Variants in TTC34 observed in about 807,000 individuals in gnomAD.
TTC34 encodes the protein tetratricopeptide repeat domain 34, also known as tetratricopeptide repeat protein 34.
Under a neutral mutation model 40.7 loss-of-function variants are expected in TTC34, and 44 were observed. The observed-to-expected ratio is 1.08, with a 90% CI of 0.85 to 1.39. TTC34 has a LOEUF of 1.39. TTC34 is among the 40% of genes most tolerant of loss of function. TTC34 has a pLI of 0.00. For missense variants in TTC34, 884 were observed against 838.0 expected (o/e 1.05, Z -0.68); for synonymous variants, 422 against 398.6 (o/e 1.06, Z -0.70).
chr1:2,750,898 C>A (rs1285704276), intron 6 of TTC34, among the ~76,000 whole-genome samples: 1 of 112,280 alleles, frequency 8.9e-6, no homozygotes, highest in South Asian at 3.3e-4. Flanking sequence ...CCCAGGCGAG[C>A]ATCTGAACGC....
chr1:2,639,807 G>A (rs904825442), exon 9 of TTC34: 1 of 152,392 alleles, frequency 6.6e-6, no homozygotes, highest in East Asian at 1.9e-4. Flanking sequence ...CTCAAGGTGG[G>A]AGGCACTGAC....
intron 6 of TTC34, among the ~76,000 whole-genome samples, chr1:2,686,305 G>A (rs202120060): frequency 1.2e-3 from 132 of 107,608 alleles, no homozygotes; most frequent in African/African-American, 3.3e-3. Context: ...CTGAACGCAC[G>A]GAGCAGCACC....
rs1643648873 is a variant in TTC34 at position 2,790,285 on chromosome 1, C to T, written c.846G>A (p.Arg282=). 9 of 398,502 alleles carry T rather than the reference C, an allele frequency of 2.3e-5. 1 individual carries two copies. The South Asian group carries it at 1.0e-3, about 45-fold the overall frequency. The allele number at this position is 398,502 out of a possible 1,614,324, so 24.7% of individuals were successfully genotyped here. A position where few individuals can be genotyped will look rare whatever the true frequency, so the allele number is the denominator to read the frequency against. The stretch of plus-strand genomic sequence containing the variant: ...GCAGGTTCCAAAACACGTCCTGGGC[C>T]CGGCCGTCCAGGAAGAAGGCCGAGG... Residue 282 remains arginine, a synonymous_variant, in exon 3 of 9, where the codon CGG becomes CGA. Coordinates refer to ENST00000401095, the Ensembl canonical transcript of TTC34.
chr1:2,687,649 C>A (rs1640426236), intron 6 of TTC34, among the ~76,000 whole-genome samples: 2 of 152,092 alleles, frequency 1.3e-5, no homozygotes, highest in African/African-American at 4.8e-5. Context: ...ACCCACACCC[C>A]CAGGTGAGCA....
At position 2,796,357 on chromosome 1, in the gene TTC34, T is replaced by G. The variant is rs547048745; in HGVS notation, c.784+3687A>C. ...AAAAGTCTGTTATAGGAAAATTCAT[T>G]TCTTCTCTTCTCATCGTAAGCCATG... On this transcript the variant is annotated intron_variant, in intron 2 of 8. Coordinates refer to ENST00000401095, the Ensembl canonical transcript of TTC34. The surrounding 1 kb of genome is among the most constrained non-coding windows in gnomAD (Gnocchi z 4.5). Among the ~76,000 whole-genome samples, 42 of 152,330 alleles carry G rather than the reference T, an allele frequency of 2.8e-4. No homozygotes were observed. The highest frequency in any genetic ancestry group is 9.6e-4 in the African/African-American group (40 of 41,582).
At chr1:2,771,466 C>T (rs1193408348) in intron 6 of TTC34, among the ~76,000 whole-genome samples, 1 of 83,016 alleles carries the variant, frequency 1.2e-5, no homozygotes, top group African/African-American at 8.2e-5. Context: ...ATCTGACAGT[C>T]TGGAACAGCA....
chr1:2,750,194 G>A (rs1641269123), intron 6 of TTC34, among the ~76,000 whole-genome samples: 14 of 148,746 alleles, frequency 9.4e-5, no homozygotes, highest in South Asian at 6.5e-4. Context: ...GCCTGGGTCG[G>A]CACCCACACC....
At chr1:2,688,263 G>C (rs143151708) in intron 6 of TTC34, among the ~76,000 whole-genome samples, 81 of 40,422 alleles carry the variant, frequency 2.0e-3, no homozygotes, top group Middle Eastern at 0.015. Context: ...AGGGGAGCAT[G>C]TGACAGCCTG....
chr1:2,767,704 T>A (rs866131225), intron 6 of TTC34, among the ~76,000 whole-genome samples: 5 of 126,536 alleles, frequency 4.0e-5, no homozygotes, highest in African/African-American at 9.4e-5. Context: ...AGGATCTGAC[T>A]ACCTGGAACA....
chr1:2,649,069 G>A (rs570604226), intron 6 of TTC34, among the ~76,000 whole-genome samples: 3 of 150,850 alleles, frequency 2.0e-5, no homozygotes, highest in South Asian at 4.2e-4. Context: ...TTACAGCCTG[G>A]AACGGCACCT....
chr1:2,684,451 C>G (rs1369824443), intron 6 of TTC34, among the ~76,000 whole-genome samples: 4 of 141,866 alleles, frequency 2.8e-5, no homozygotes, highest in Admixed American at 7.1e-5. Context: ...AGGTGAGCAT[C>G]TGACGGCCTG....
At chr1:2,691,495 AC>A (rs1640615156) in intron 6 of TTC34, among the ~76,000 whole-genome samples, 1 of 100,512 alleles carries the variant, frequency 9.9e-6, no homozygotes, top group African/African-American at 3.6e-5. Flanking sequence ...CTGGAGCAGC[AC>A]CCAAAACCAC....
At chr1:2,683,908 CCACACCT>C (rs1640199207) in intron 6 of TTC34, among the ~76,000 whole-genome samples, 1 of 151,024 alleles carries the variant, frequency 6.6e-6, no homozygotes, top group Admixed American at 6.6e-5. Flanking sequence ...GGGTCGGCAC[CCACACCT>C]CCAGGTGAGC....
intron 6 of TTC34, among the ~76,000 whole-genome samples, chr1:2,686,682 C>A (rs936419372): frequency 7.1e-3 from 363 of 51,370 alleles, no homozygotes; most frequent in Admixed American, 0.013. Flanking sequence ...GCACCCTGCA[C>A]CCCCAGGTGC....
intron 6 of TTC34, among the ~76,000 whole-genome samples, chr1:2,686,370 C>T (rs201981726): frequency 6.4e-5 from 5 of 78,478 alleles, no homozygotes; most frequent in Non-Finnish European, 9.9e-5. Flanking sequence ...CCCCCAGGTG[C>T]GCATGTGATG....
chr1:2,780,137 C>A (rs937620845), intron 6 of TTC34, among the ~76,000 whole-genome samples: 2 of 152,026 alleles, frequency 1.3e-5, no homozygotes, highest in African/African-American at 4.8e-5. Flanking sequence ...GGGTTTTTGG[C>A]TTTGTTGTTG....
At chr1:2,683,658 G>T (rs201806377) in intron 6 of TTC34, among the ~76,000 whole-genome samples, 1 of 149,772 alleles carries the variant, frequency 6.7e-6, no homozygotes, top group African/African-American at 2.5e-5. Context: ...TGACAGCCTG[G>T]AGCAGCACGC....
chr1:2,638,418 G>C (rs997756637), exon 9 of TTC34: 1 of 152,222 alleles, frequency 6.6e-6, no homozygotes, highest in African/African-American at 2.4e-5. Flanking sequence ...TTACTTGGTT[G>C]AATGAAATCT....
At position 2,796,445 on chromosome 1, in the gene TTC34, C is replaced by T. The variant is rs1445249430; in HGVS notation, c.784+3599G>A. 6.6e-6 allele frequency among the ~76,000 whole-genome samples: 1 copy of T among 152,152 alleles called. No individual in the cohort carries two copies. Among genetic ancestry groups the T allele is most frequent in the Non-Finnish European group, 1.5e-5 (1 of 68,030 alleles). On this transcript the variant is annotated intron_variant, in intron 2 of 8. Coordinates refer to ENST00000401095, the Ensembl canonical transcript of TTC34. This position sits in a 1 kb window ranked among gnomAD's most constrained non-coding sequence, Gnocchi z 4.5. ...CGAAGTGACTTGGGTCTAATGGATGCACAATTCTTAGGGCAGGTGTTCCCT... is the reference window on the plus strand; with the variant it reads ...CGAAGTGACTTGGGTCTAATGGATGTACAATTCTTAGGGCAGGTGTTCCCT...
Sources: allele counts gnomAD v4.1 joint callset (sites outside exome capture counted in the v4.1 genomes callset), GRCh38; gene constraint gnomAD v4.1.1; non-coding constraint Gnocchi (gnomAD v3.1); transcripts MANE v1.5; gene names NCBI Gene and HGNC (gene_info 2026-07-23, HGNC 2026-07-21).